The following SLC1A1 variants were observed in gnomAD, a reference collection of about 807,000 sequenced individuals.
SLC1A1 encodes solute carrier family 1 member 1.
In SLC1A1, 43 loss-of-function variants were observed where a neutral mutation model predicts 53.3. That is an observed-to-expected ratio of 0.81 (90% CI 0.63 to 1.04). The LOEUF is 1.04. Ranked by LOEUF, SLC1A1 falls within the 50% of genes least tolerant of loss-of-function variation. SLC1A1 has a pLI of 0.00. For synonymous variants in SLC1A1, 307 were observed against 243.2 expected (o/e 1.26, Z -2.44); for missense variants, 748 against 664.9 (o/e 1.12, Z -1.37).
intron 1 of SLC1A1, among the ~76,000 whole-genome samples, chr9:4,502,029 C>A (rs905366047): frequency 6.6e-6 from 1 of 151,632 alleles, no homozygotes; most frequent in Admixed American, 6.6e-5. Flanking sequence ...TGATACTGTT[C>A]AACTTCTGTG....
At chr9:4,580,135 G>A (rs1586858854) in intron 10 of SLC1A1, among the ~76,000 whole-genome samples, 1 of 152,222 alleles carries the variant, frequency 6.6e-6, no homozygotes, top group African/African-American at 2.4e-5. Flanking sequence ...GGAGGCTGAA[G>A]TGGGCAGACT....
chr9:4,503,177 G>T (rs1820692678), intron 1 of SLC1A1, among the ~76,000 whole-genome samples: 1 of 151,716 alleles, frequency 6.6e-6, no homozygotes, highest in Non-Finnish European at 1.5e-5. Flanking sequence ...CTGTTCTGTG[G>T]CAGACATCAC....
chr9:4,584,333 A>G (rs1235432240), intron 11 of SLC1A1, among the ~76,000 whole-genome samples: 1 of 152,182 alleles, frequency 6.6e-6, no homozygotes, highest in Non-Finnish European at 1.5e-5. Context: ...AAGATATCCT[A>G]TCATTGAGTC....
In SLC1A1 at chr9:4,583,028, G is replaced by C; in HGVS notation, c.1194-10G>C. 1 of 1,614,238 alleles carries C rather than the reference G, an allele frequency of 6.2e-7. No homozygotes were observed. The highest frequency in any genetic ancestry group is 8.5e-7 in the Non-Finnish European group (1 of 1,180,032). On this transcript the variant is annotated splice_polypyrimidine_tract_variant and intron_variant, in intron 10 of 11. Coordinates refer to ENST00000262352, the MANE Select transcript of SLC1A1 (RefSeq NM_004170.6). This position sits in a 1 kb window ranked among gnomAD's most constrained non-coding sequence, Gnocchi z 4.6. ...TGTCTAACTCCTTTCCTGCTGGTATGTTTCTGCAGTATCACGGCCACATCT... is the reference window on the plus strand; with the variant it reads ...TGTCTAACTCCTTTCCTGCTGGTATCTTTCTGCAGTATCACGGCCACATCT...
At chr9:4,516,212 A>G (rs1208066676) in intron 1 of SLC1A1, among the ~76,000 whole-genome samples, 1 of 152,186 alleles carries the variant, frequency 6.6e-6, no homozygotes, top group Non-Finnish European at 1.5e-5. Flanking sequence ...CATCCCTCCA[A>G]GAGACACCAG....
intron 1 of SLC1A1, among the ~76,000 whole-genome samples, chr9:4,529,463 C>T (rs1260619044): frequency 6.6e-6 from 1 of 152,164 alleles, no homozygotes; most frequent in African/African-American, 2.4e-5. Context: ...TACTGTCTTC[C>T]ATCCTTAAGG....
At chr9:4,509,524 G>T (rs1282569584) in intron 1 of SLC1A1, among the ~76,000 whole-genome samples, 6 of 151,540 alleles carry the variant, frequency 4.0e-5, no homozygotes, top group Non-Finnish European at 1.5e-5. Flanking sequence ...GGCCTATGTG[G>T]CTGCAGAAGA....
chr9:4,534,808 G>A (rs187982546), intron 1 of SLC1A1, among the ~76,000 whole-genome samples: 3 of 152,208 alleles, frequency 2.0e-5, no homozygotes, highest in Admixed American at 6.5e-5. Flanking sequence ...AAAATCCTCA[G>A]TAAAATACTG....
At chr9:4,532,708 G>A (rs1247453772) in intron 1 of SLC1A1, among the ~76,000 whole-genome samples, 1 of 152,090 alleles carries the variant, frequency 6.6e-6, no homozygotes, top group African/African-American at 2.4e-5. Context: ...AGGAAATACA[G>A]AGAACGCCAC....
intron 1 of SLC1A1, among the ~76,000 whole-genome samples, chr9:4,515,397 G>A (rs1263554439): frequency 6.6e-6 from 1 of 152,126 alleles, no homozygotes; most frequent in Admixed American, 6.5e-5. Flanking sequence ...TTTTCTGAAG[G>A]GAGGATAGAT....
Position 4,509,551 on chromosome 9 carries a change from C to T in SLC1A1, c.91+18781C>T, listed in dbSNP as rs181369421. On this transcript the variant is annotated intron_variant, in intron 1 of 11. Coordinates refer to ENST00000262352, the MANE Select transcript of SLC1A1 (RefSeq NM_004170.6). The stretch of plus-strand genomic sequence containing the variant: ...TGCAGAAGAACAGGGGAAGGGAGGG[C>T]GGGAGAAAATAAAAAAAAAAACCCA... Among the ~76,000 whole-genome samples, 543 of 143,174 alleles carry T rather than the reference C, an allele frequency of 3.8e-3. 4 individuals carry two copies. Among genetic ancestry groups the T allele is most frequent in the African/African-American group, 0.013 (511 of 38,726 alleles). 93.9% of individuals were successfully genotyped at this position (143,174 alleles called of 152,430 possible).
intron 1 of SLC1A1, among the ~76,000 whole-genome samples, chr9:4,518,484 A>G (rs10117861): frequency 0.32 from 49,055 of 151,720 alleles, 8,013 homozygotes; most frequent in Admixed American, 0.38. Context: ...ATCCCACTTT[A>G]GCTTCCCTAA....
rs955857420 is a variant in SLC1A1 at position 4,586,577 on chromosome 9, G to A, written c.*1019G>A. On this transcript the variant is annotated 3_prime_UTR_variant, in exon 12 of 12. Coordinates refer to ENST00000262352, the MANE Select transcript of SLC1A1 (RefSeq NM_004170.6). ...CTGTCACTCACAAAAGGCTGGATGT[G>A]CTTTCATCCAACTGGAAGGCTTTAT... is the stretch of plus-strand genomic sequence containing the variant. The A allele has an allele frequency of 6.6e-6, 1 of 152,204 alleles. No homozygotes were observed. Among genetic ancestry groups the A allele is most frequent in the African/African-American group, 2.4e-5 (1 of 41,438 alleles). The allele number at this position is 152,204 out of a possible 1,614,324, so 9.4% of individuals were successfully genotyped here. A position where few individuals can be genotyped will look rare whatever the true frequency, so the allele number is the denominator to read the frequency against.
At chr9:4,533,445 C>T (rs550657020) in intron 1 of SLC1A1, among the ~76,000 whole-genome samples, 5 of 152,118 alleles carry the variant, frequency 3.3e-5, no homozygotes, top group South Asian at 2.1e-4. Context: ...TTTAAACCAA[C>T]AAAGATCAAA....
At chr9:4,538,563 T>C (rs1564016665) in intron 1 of SLC1A1, among the ~76,000 whole-genome samples, 2 of 152,216 alleles carry the variant, frequency 1.3e-5, no homozygotes, top group Non-Finnish European at 2.9e-5. Flanking sequence ...CAATACAACC[T>C]TGGATGTATT....
chr9:4,543,958 C>T (rs947270846), intron 1 of SLC1A1, among the ~76,000 whole-genome samples: 6 of 152,132 alleles, frequency 3.9e-5, no homozygotes, highest in African/African-American at 1.2e-4. Flanking sequence ...GTGGGCAGAT[C>T]ACTTGAGGCC....
At chr9:4,525,846 A>G (rs1195963110) in intron 1 of SLC1A1, among the ~76,000 whole-genome samples, 1 of 152,204 alleles carries the variant, frequency 6.6e-6, no homozygotes, top group Non-Finnish European at 1.5e-5. Context: ...ATAGATTTGG[A>G]AACTGAAACT....
At chr9:4,491,339 C>T (rs1820231128) in intron 1 of SLC1A1, among the ~76,000 whole-genome samples, 1 of 152,218 alleles carries the variant, frequency 6.6e-6, no homozygotes, top group Admixed American at 6.5e-5. Flanking sequence ...GCGCCGACTG[C>T]CTGCACCCGG....
At chr9:4,573,064 G>A (rs774125725) in intron 7 of SLC1A1, among the ~76,000 whole-genome samples, 2 of 152,190 alleles carry the variant, frequency 1.3e-5, no homozygotes, top group African/African-American at 4.8e-5. Context: ...CCATGCAAAA[G>A]TGAGTTTCAA....
Sources: gnomAD v4.1 joint callset for allele counts (sites outside exome capture counted in the v4.1 genomes callset) on GRCh38, gnomAD v4.1.1 for gene constraint, Gnocchi (gnomAD v3.1) non-coding constraint, MANE v1.5 for transcripts, NCBI Gene and HGNC (gene_info 2026-07-23, HGNC 2026-07-21) for gene names.